GRHL3: variants seen among roughly 807,000 people sequenced by gnomAD.
GRHL3 encodes grainyhead-like protein 3 homolog.
GRHL3 carries 20 observed loss-of-function variants against 70.3 expected under a neutral mutation model. That is an observed-to-expected ratio of 0.28 (90% CI 0.20 to 0.41). The LOEUF (loss-of-function observed/expected upper bound fraction) is 0.41. Among genes scored for constraint, GRHL3 ranks in the 10% least tolerant of loss-of-function variants. The probability of loss-of-function intolerance (pLI) is 1.00; values close to 1 mark genes in which losing one functional copy is unlikely to be tolerated. For missense variants in GRHL3, 637 were observed against 762.3 expected, an observed-to-expected ratio of 0.84 and a Z score of 1.94; for synonymous variants, 299 against 299.9, an observed-to-expected ratio of 1.00 and a Z score of 0.03.
intron 11 of GRHL3, 97 bp from the exon 12 acceptor site, chr1:24,344,800 C>G (rs1477920441): frequency 1.2e-5 from 17 of 1,385,572 alleles, no homozygotes; most frequent in Admixed American, 1.2e-4. Context: ...CTCCCCACCT[C>G]CCACCAAAAA....
chr1:24,337,740 G>A lies in GRHL3; in HGVS notation c.791G>A (p.Arg264Gln), dbSNP rs184435420. Residue 264 changes from arginine (R) to glutamine (Q), a missense_variant, in exon 6 of 16, where the codon CGG becomes CAG. Coordinates refer to ENST00000361548, the MANE Select transcript of GRHL3 (RefSeq NM_198173.3). The part of the protein sequence containing the change: ...NKGQFYPVTL[R>Q]TPAGGKGLAL... Reference sequence around the variant, plus strand: ...GGCCAGTTCTACCCCGTCACCCTGCGGACCCCAGCAGGTGGCAAAGGCCTT... The same window carrying A: ...GGCCAGTTCTACCCCGTCACCCTGCAGACCCCAGCAGGTGGCAAAGGCCTT... 2.8e-5 allele frequency: 46 copies of A among 1,614,202 alleles called. No individual in the cohort carries two copies. Among genetic ancestry groups the A allele is most frequent in the Non-Finnish European group, 3.6e-5 (43 of 1,180,042 alleles).
chr1:24,319,852 C>T (rs1336412471), intron 1 of GRHL3: 2 of 789,468 alleles, frequency 2.5e-6, no homozygotes, highest in Middle Eastern at 4.2e-4. Context: ...TCTGGCACCA[C>T]TTTTTGATCC....
intron 15 of GRHL3, among the ~76,000 whole-genome samples, chr1:24,363,338 G>A (rs752163820): frequency 5.3e-5 from 8 of 152,178 alleles, no homozygotes; most frequent in Non-Finnish European, 1.0e-4. Flanking sequence ...CCAGCCATGT[G>A]TGGGATTCTG....
chr1:24,352,547 GTGTGAGCAGGTGTGAGCTTGGCAGA>G (rs900010278), intron 15 of GRHL3, among the ~76,000 whole-genome samples: 2 of 152,172 alleles, frequency 1.3e-5, no homozygotes, highest in African/African-American at 4.8e-5. Flanking sequence ...TCTTGTGCAG[GTGTGAGCAGGTGTGAGCTTGGCAGA>G]TGTGAGCAGG....
At position 24,342,561 on chromosome 1, in the gene GRHL3, C is replaced by T. The variant is rs1351658214; in HGVS notation, c.1207-133C>T. 3 of 923,330 alleles carry T rather than the reference C, an allele frequency of 3.2e-6. No individual in the cohort carries two copies. The highest frequency in any genetic ancestry group is 4.9e-5 in the East Asian group (2 of 41,158). 57.2% of individuals were successfully genotyped at this position (923,330 alleles called of 1,614,324 possible). On this transcript the variant is annotated intron_variant, in intron 9 of 15. Transcript: ENST00000361548. The surrounding 1 kb of genome is among the most constrained non-coding windows in gnomAD (Gnocchi z 4.8). ...TGGGCCAGGTAAGTGCTGGTACCTT[C>T]CCATTTCCTGGTCTTGTTCTGGAAA...
In GRHL3 at chr1:24,345,630, C is replaced by G. The variant is rs77159946; in HGVS notation, c.1454+699C>G. 9.2e-3 allele frequency among the ~76,000 whole-genome samples: 1,404 copies of G among 152,256 alleles called. 17 individuals carry two copies. Among genetic ancestry groups the G allele is most frequent in the African/African-American group, 0.03 (1,260 of 41,550 alleles). On this transcript the variant is annotated intron_variant, in intron 12 of 15. Transcript: ENST00000361548. ...TGGAGGCTTAGGGGATGAAAACCCT[C>G]CATCTCCTTCCCCAACACACCCCCA...
intron 11 of GRHL3, 95 bp downstream of exon 11, chr1:24,343,120 G>A: frequency 6.9e-7 from 1 of 1,445,230 alleles, no homozygotes; most frequent in Non-Finnish European, 9.6e-7. Flanking sequence ...GGAGCAGCCT[G>A]CCCCTCAGCC....
chr1:24,359,670 C>T (rs1640967463), downstream of GRHL3, among the ~76,000 whole-genome samples: 3 of 152,180 alleles, frequency 2.0e-5, no homozygotes, highest in East Asian at 1.9e-4. The surrounding 1 kb of genome is among the most constrained non-coding windows in gnomAD (Gnocchi z 5.3). Flanking sequence ...ACGGGAGCAT[C>T]GTCAACACTC....
intron 14 of GRHL3, among the ~76,000 whole-genome samples, 175 bp downstream of exon 14, chr1:24,347,728 C>T (rs1640348429): frequency 6.6e-6 from 1 of 152,160 alleles, no homozygotes; most frequent in South Asian, 2.1e-4. Context: ...TGTGCCTCTG[C>T]GATGTTATCT....
intron 14 of GRHL3, 143 bp from the exon 15 acceptor site, chr1:24,349,915 T>C (rs1001122840): frequency 9.7e-6 from 6 of 619,232 alleles, no homozygotes; most frequent in African/African-American, 1.9e-5. Context: ...TTATAGATGA[T>C]TGTAATTTTC....
chr1:24,358,451 A>G, downstream of GRHL3: 1 of 1,100,126 alleles, frequency 9.1e-7, no homozygotes, highest in South Asian at 1.2e-5. Context: ...CAGCTGCCAC[A>G]CTCATGATCG....
chr1:24,360,685 C>T (rs1441937880), intron 15 of GRHL3, among the ~76,000 whole-genome samples: 1 of 152,210 alleles, frequency 6.6e-6, no homozygotes, highest in East Asian at 1.9e-4. Context: ...AAAAACAAAA[C>T]ATTTTTGTAC....
At chr1:24,363,311 T>A (rs1321242288) in intron 15 of GRHL3, among the ~76,000 whole-genome samples, 1 of 152,234 alleles carries the variant, frequency 6.6e-6, no homozygotes, top group South Asian at 2.1e-4. Context: ...CCTAGCACTA[T>A]GGATCTTTCA....
At chr1:24,361,153 G>A in intron 15 of GRHL3, 1 of 1,028,068 alleles carries the variant, frequency 9.7e-7, no homozygotes. Flanking sequence ...AAGAGGACTG[G>A]TCACGGCACT....
chr1:24,360,921 A>G (rs1641068113), intron 15 of GRHL3: 3 of 1,613,868 alleles, frequency 1.9e-6, no homozygotes, highest in Admixed American at 1.7e-5. Context: ...ATGATGCACT[A>G]GAGATGAAAT....
intron 14 of GRHL3, 76 bp downstream of exon 14, chr1:24,347,629 C>T: frequency 8.4e-7 from 1 of 1,185,620 alleles, no homozygotes; most frequent in Non-Finnish European, 1.3e-6. Flanking sequence ...CCACGCAGTT[C>T]TGATTTCCCA....
chr1:24,361,550 C>G (rs565402826), intron 15 of GRHL3, among the ~76,000 whole-genome samples: 2,595 of 152,244 alleles, frequency 0.017, 17 homozygotes, highest in Non-Finnish European at 0.026. Flanking sequence ...ACAGATTTGC[C>G]ATCCCAAGAC....
In GRHL3 at chr1:24,343,872, G is replaced by A. The variant is rs1216704904; in HGVS notation, c.1419+847G>A. ...TATTGACTTAGGACAATGAGGTGTA[G>A]ACAGTGGCGCTGAGAAGAGCGGCCA... On this transcript the variant is annotated intron_variant, in intron 11 of 15. Transcript: ENST00000361548. Among the ~76,000 whole-genome samples the A allele has an allele frequency of 2.6e-5, 4 of 152,232 alleles. No homozygotes were observed. The East Asian group carries it at 7.7e-4, about 29-fold the overall frequency.
chr1:24,364,252 C>T (rs1391250087), exon 16 of GRHL3: 1 of 1,548,618 alleles, frequency 6.5e-7, no homozygotes, highest in Non-Finnish European at 8.7e-7. Context: ...ATGTTCCCAT[C>T]CTGTGACTCA....
Sources: gnomAD v4.1 joint callset for allele counts (sites outside exome capture counted in the v4.1 genomes callset) on GRCh38, gnomAD v4.1.1 for gene constraint, Gnocchi (gnomAD v3.1) non-coding constraint, MANE v1.5 for transcripts, NCBI Gene and HGNC (gene_info 2026-07-23, HGNC 2026-07-21) for gene names.